The following MTREX variants were observed in gnomAD, a reference collection of about 807,000 sequenced individuals.
The protein encoded by MTREX is Mtr4 exosome RNA helicase.
A neutral mutation model predicts 135.4 loss-of-function variants in MTREX; 76 were observed. The observed-to-expected ratio is 0.56, with a 90% CI of 0.47 to 0.68. The LOEUF (loss-of-function observed/expected upper bound fraction) is 0.68, where lower values mean the gene tolerates loss of function less well. Among genes scored for constraint, MTREX ranks in the 30% least tolerant of loss-of-function variants. The pLI, the probability that MTREX is intolerant of heterozygous loss-of-function variation, is 0.00. For synonymous variants in MTREX, 404 were observed against 401.6 expected (o/e 1.01, Z -0.07); for missense variants, 920 against 1,262.1 (o/e 0.73, Z 4.11).
At chr5:55,344,962 A>G in intron 9 of MTREX, 132 bp from the exon 10 acceptor site, 1 of 625,936 alleles carries the variant, frequency 1.6e-6, no homozygotes, top group East Asian at 2.8e-5. Context: ...ACCACAGATC[A>G]TGTTTGGACT....
intron 7 of MTREX, among the ~76,000 whole-genome samples, chr5:55,342,205 C>T (rs1379430417): frequency 1.3e-5 from 2 of 152,152 alleles, no homozygotes; most frequent in African/African-American, 2.4e-5. Flanking sequence ...CCGCACCCAG[C>T]CTTGCTTCTT....
chr5:55,352,541 CA>C (rs1251393915), intron 13 of MTREX, among the ~76,000 whole-genome samples: 2 of 151,978 alleles, frequency 1.3e-5, no homozygotes, highest in Non-Finnish European at 2.9e-5. Context: ...TTGTAAACAA[CA>C]AAAAAAGTCA....
intron 3 of MTREX, chr5:55,324,510 C>T (rs1749341147): frequency 7.5e-6 from 1 of 133,130 alleles, no homozygotes; most frequent in Non-Finnish European, 1.4e-5. Context: ...TGCAATGGCG[C>T]AATCTCGGCT....
At position 55,390,000 on chromosome 5, in the gene MTREX, T is replaced by C. The variant is rs1750540205; in HGVS notation, c.2181+1898T>C. Among the ~76,000 whole-genome samples, 8 of 152,328 alleles carry C rather than the reference T, an allele frequency of 5.3e-5. No individual in the cohort carries two copies. The South Asian group carries it at 1.4e-3, about 28-fold the overall frequency. ...GGGTAGGTTAAAAGCAGGCTTCCAT[T>C]GCATAAGGTAAGTAGGATTTCCATA... is the stretch of plus-strand genomic sequence containing the variant. On this transcript the variant is annotated intron_variant, in intron 19 of 26. Transcript: ENST00000230640.
chr5:55,408,245 A>G (rs1186213808), intron 22 of MTREX, among the ~76,000 whole-genome samples: 1 of 152,150 alleles, frequency 6.6e-6, no homozygotes, highest in Admixed American at 6.5e-5. Context: ...CGATTCTTGC[A>G]TATTTTTGCA....
chr5:55,376,650 G>C (rs1226418777), intron 16 of MTREX, among the ~76,000 whole-genome samples: 2 of 152,192 alleles, frequency 1.3e-5, no homozygotes, highest in African/African-American at 4.8e-5. Flanking sequence ...CATCTAAATA[G>C]AATACAATGT....
In MTREX at chr5:55,424,766, C is replaced by T; in HGVS notation, c.3123C>T (p.Tyr1041=). The T allele has an allele frequency of 6.2e-7, 1 of 1,609,390 alleles. No individual in the cohort carries two copies. The highest frequency in any genetic ancestry group is 8.5e-7 in the Non-Finnish European group (1 of 1,175,740). ...KRDIVFAASL[Y]L Reference sequence around the variant, plus strand: ...ATATTGTGTTTGCTGCCAGCCTCTACTTGTAGAGTCAGCTAAAGGAATGTG... The same window carrying T: ...ATATTGTGTTTGCTGCCAGCCTCTATTTGTAGAGTCAGCTAAAGGAATGTG... Residue 1041 remains tyrosine (Y), a synonymous_variant, in exon 27 of 27, where the codon TAC becomes TAT. Coordinates refer to ENST00000230640, the MANE Select transcript of MTREX (RefSeq NM_015360.5).
chr5:55,323,523 G>T (rs913464460), intron 2 of MTREX, among the ~76,000 whole-genome samples: 1 of 152,070 alleles, frequency 6.6e-6, no homozygotes, highest in Non-Finnish European at 1.5e-5. Context: ...CCCAGGGTCA[G>T]GTGATTCTCC....
chr5:55,420,404 T>C (rs1469086338), intron 25 of MTREX, among the ~76,000 whole-genome samples: 5 of 152,198 alleles, frequency 3.3e-5, no homozygotes, highest in Non-Finnish European at 7.3e-5. Context: ...TAAAAGCATA[T>C]AGTCCCAAGT....
intron 15 of MTREX, among the ~76,000 whole-genome samples, chr5:55,363,221 G>A (rs1393857720): frequency 1.3e-5 from 2 of 152,136 alleles, no homozygotes; most frequent in Non-Finnish European, 2.9e-5. Context: ...TTTTGAAGAA[G>A]TGGGAAGACT....
Position 55,345,092 on chromosome 5 carries a change from A to G in MTREX, c.1006-2A>G. 6.2e-7 allele frequency: 1 copy of G among 1,604,674 alleles called. No homozygotes were observed. The highest frequency in any genetic ancestry group is 8.5e-7 in the Non-Finnish European group (1 of 1,173,896). On this transcript the variant is annotated splice_acceptor_variant, in intron 9 of 26. Coordinates refer to ENST00000230640, the MANE Select transcript of MTREX (RefSeq NM_015360.5). LOFTEE classifies it high-confidence loss of function. Reference sequence around the variant, plus strand: ...TTACACAGAAAAAATTTGTGATTCCAGGGTGACTTCAGAGAAGATAATTTT... The same window carrying G: ...TTACACAGAAAAAATTTGTGATTCCGGGGTGACTTCAGAGAAGATAATTTT...
chr5:55,329,599 TCTA>T (rs901630469), intron 5 of MTREX, among the ~76,000 whole-genome samples: 1 of 150,584 alleles, frequency 6.6e-6, no homozygotes, highest in Non-Finnish European at 1.5e-5. Flanking sequence ...GTAGTGCAGT[TCTA>T]CTGATGAGAA....
intron 25 of MTREX, among the ~76,000 whole-genome samples, chr5:55,416,729 GC>G (rs1750971065): frequency 6.6e-6 from 1 of 152,138 alleles, no homozygotes; most frequent in African/African-American, 2.4e-5. Flanking sequence ...ATTTTAAAAT[GC>G]TGCATTCAGT....
chr5:55,393,188 C>T (rs1330136018), intron 19 of MTREX, among the ~76,000 whole-genome samples: 2 of 152,160 alleles, frequency 1.3e-5, no homozygotes, highest in Non-Finnish European at 1.5e-5. Context: ...GCTTGTTATT[C>T]TTACCAAAAG....
At chr5:55,362,275 C>G (rs1750027798) in intron 15 of MTREX, among the ~76,000 whole-genome samples, 1 of 151,820 alleles carries the variant, frequency 6.6e-6, no homozygotes, top group South Asian at 2.1e-4. Context: ...ACCTTTTCAA[C>G]TTTTCCAGTC....
At chr5:55,412,726 C>A (rs1750901928) in intron 23 of MTREX, among the ~76,000 whole-genome samples, 1 of 152,186 alleles carries the variant, frequency 6.6e-6, no homozygotes, top group African/African-American at 2.4e-5. Context: ...TTAACCTCCT[C>A]ACATCAGGAC....
chr5:55,378,921 A>G (rs1750349381), intron 17 of MTREX, among the ~76,000 whole-genome samples: 1 of 152,190 alleles, frequency 6.6e-6, no homozygotes, highest in Non-Finnish European at 1.5e-5. Context: ...TTGCTGTCCT[A>G]GGGGCAATTT....
rs771895856 is a variant in MTREX at position 55,424,947 on chromosome 5, CA to C, written c.*176del. The C allele has an allele frequency of 8.2e-5, 52 of 634,324 alleles. No homozygotes were observed. Among genetic ancestry groups the C allele is most frequent in the Non-Finnish European group, 1.1e-4 (43 of 375,274 alleles). 39.3% of individuals were successfully genotyped at this position (634,324 alleles called of 1,614,324 possible). A position where few individuals can be genotyped will look rare whatever the true frequency, so the allele number is the denominator to read the frequency against. ...CATACATGTTTATACATAAGCATTA[CA>C]TTTTTTTAATAAAAATGTATACAGG... On this transcript the variant is annotated 3_prime_UTR_variant, in exon 27 of 27. Coordinates refer to ENST00000230640, the MANE Select transcript of MTREX (RefSeq NM_015360.5).
At chr5:55,347,375 A>T (rs1415512618) in intron 11 of MTREX, among the ~76,000 whole-genome samples, 2 of 152,080 alleles carry the variant, frequency 1.3e-5, no homozygotes, top group East Asian at 3.9e-4. Context: ...AAATTTGGAG[A>T]ACCCTATGAA....
Sources: gnomAD v4.1 joint callset for allele counts (sites outside exome capture counted in the v4.1 genomes callset) on GRCh38, gnomAD v4.1.1 for gene constraint, MANE v1.5 for transcripts, NCBI Gene and HGNC (gene_info 2026-07-23, HGNC 2026-07-21) for gene names.